Variants in SCARB1 observed in about 807,000 individuals in gnomAD.
The protein encoded by SCARB1 is scavenger receptor class B member 1.
In SCARB1, 30 loss-of-function variants were observed where a neutral mutation model predicts 57.2. That is an observed-to-expected ratio of 0.52 (90% confidence interval 0.39 to 0.71). The LOEUF is 0.71. Among genes scored for constraint, SCARB1 ranks in the 30% least tolerant of loss-of-function variants. The pLI is 0.00. For synonymous variants in SCARB1, 249 were observed against 268.3 expected (o/e 0.93, Z 0.70); for missense variants, 543 against 671.2 (o/e 0.81, Z 2.11).
rs1317201497 is a variant in SCARB1 at position 124,817,504 on chromosome 12, C to T, written c.284+46G>A. 4 of 1,603,294 alleles carry T rather than the reference C, an allele frequency of 2.5e-6. No individual in the cohort carries two copies. The highest frequency in any genetic ancestry group is 3.4e-6 in the Non-Finnish European group (4 of 1,175,268). ...CGTCCACTCTGAGACCCCTCCCCTG[C>T]CCAGCCTCAGCCGGCCCCTCCACCC... On this transcript the variant is annotated intron_variant, in intron 2 of 12. Coordinates refer to ENST00000261693, the MANE Select transcript of SCARB1 (RefSeq NM_005505.5). This position sits in a 1 kb window ranked among gnomAD's most constrained non-coding sequence, Gnocchi z 4.8.
rs928062069 is a variant in SCARB1 at position 124,789,502 on chromosome 12, G to T, written c.1203-2045C>A. 3.9e-5 allele frequency among the ~76,000 whole-genome samples: 6 copies of T among 152,146 alleles called. No individual in the cohort carries two copies. The highest frequency in any genetic ancestry group is 8.8e-5 in the Non-Finnish European group (6 of 68,026). On this transcript the variant is annotated intron_variant, in intron 9 of 12. Coordinates refer to ENST00000261693, the MANE Select transcript of SCARB1 (RefSeq NM_005505.5). This position sits in a 1 kb window ranked among gnomAD's most constrained non-coding sequence, Gnocchi z 4.4. ...CTGCATCAAGGCTCTCAGATGGGGA[G>T]AGCGTCCTGGAATATCTAGGTGGGT...
Position 124,789,184 on chromosome 12 carries a change from C to T in SCARB1, c.1203-1727G>A, listed in dbSNP as rs916066281. 2.6e-5 allele frequency among the ~76,000 whole-genome samples: 4 copies of T among 152,210 alleles called. No individual in the cohort carries two copies. Among genetic ancestry groups the T allele is most frequent in the African/African-American group, 7.2e-5 (3 of 41,444 alleles). On this transcript the variant is annotated intron_variant, in intron 9 of 12. Transcript: ENST00000261693. This position sits in a 1 kb window ranked among gnomAD's most constrained non-coding sequence, Gnocchi z 4.4. ...ATCAAGGTCGACATCAACAGTGATA[C>T]AGTATGTTGACGGAATGTACCCAAG...
rs1224428157 is a variant in SCARB1, at chr12:124,812,296, C to A, written c.631-331G>T. On this transcript the variant is annotated intron_variant, in intron 4 of 12. Coordinates refer to ENST00000261693, the MANE Select transcript of SCARB1 (RefSeq NM_005505.5). The surrounding 1 kb of genome is among the most constrained non-coding windows in gnomAD (Gnocchi z 4.3). The stretch of plus-strand genomic sequence containing the variant: ...AGCATGGCCAGGTCAGCTCCCTGAG[C>A]AATGAAAAAGGAGAAGTGGCATGTC... Among the ~76,000 whole-genome samples the A allele has an allele frequency of 6.6e-6, 1 of 152,152 alleles. No homozygotes were observed. Among genetic ancestry groups the A allele is most frequent in the Non-Finnish European group, 1.5e-5 (1 of 68,014 alleles).
chr12:124,825,436 C>T (rs1294103070), intron 1 of SCARB1, among the ~76,000 whole-genome samples: 3 of 152,042 alleles, frequency 2.0e-5, no homozygotes, highest in Middle Eastern at 3.4e-3. Context: ...TTTGGGAGGC[C>T]GAGGCGGGTG....
chr12:124,837,472 A>AAAGGAAGGAAGGAAGGAAGGAAGGAAGG (rs199725164), intron 1 of SCARB1, among the ~76,000 whole-genome samples: 7 of 72,494 alleles, frequency 9.7e-5, no homozygotes, highest in Admixed American at 4.0e-4. Context: ...AGAAAGAAAG[A>AAAGGAAGGAAGGAAGGAAGGAAGGAAGG]AAGGAAGGAA....
chr12:124,805,725 ATTTTTTTTTTT>A lies in SCARB1; in HGVS notation c.1009+2025_1009+2035del, dbSNP rs755476758. On this transcript the variant is annotated intron_variant, in intron 7 of 12. Transcript: ENST00000261693. ...AGGCATGCACCACCATGCCTAGCTA[ATTTTTTTTTTT>A]TTTTTTTTTTTTTGGCCAGAGAGAG... is the stretch of plus-strand genomic sequence containing the variant. Among the ~76,000 whole-genome samples the A allele has an allele frequency of 1.8e-3, 143 of 79,598 alleles. 2 individuals carry two copies. The East Asian group carries it at 0.038, about 21-fold the overall frequency. The allele number at this position is 79,598 out of a possible 152,430, so 52.2% of individuals were successfully genotyped here.
chr12:124,815,164 T>C, intron 2 of SCARB1, 50 bp from the exon 3 acceptor site: 1 of 1,603,494 alleles, frequency 6.2e-7, no homozygotes, highest in Non-Finnish European at 8.5e-7. Context: ...GCATGGGACG[T>C]TTCCCTTCTA....
At position 124,814,415 on chromosome 12, in the gene SCARB1, G is replaced by A. The variant is rs771648915; in HGVS notation, c.427-10C>T. The A allele has an allele frequency of 2.8e-5, 45 of 1,612,784 alleles. No homozygotes were observed. The highest frequency in any genetic ancestry group is 8.8e-5 in the South Asian group (8 of 91,002). ...TCATCACCGCCGCACCCTGCAAGGC[G>A]AAGGGACACTAGTGTCAGAGGCTGG... On this transcript the variant is annotated splice_polypyrimidine_tract_variant and intron_variant, in intron 3 of 12. Transcript: ENST00000261693. This position sits in a 1 kb window ranked among gnomAD's most constrained non-coding sequence, Gnocchi z 4.7.
rs1950611465 is a variant in SCARB1, at chr12:124,814,152, A to G, written c.630+50T>C. 7 of 1,543,950 alleles carry G rather than the reference A, an allele frequency of 4.5e-6. No homozygotes were observed. The highest frequency in any genetic ancestry group is 6.3e-6 in the Non-Finnish European group (7 of 1,116,720). On this transcript the variant is annotated intron_variant, in intron 4 of 12. Coordinates refer to ENST00000261693, the MANE Select transcript of SCARB1 (RefSeq NM_005505.5). This position sits in a 1 kb window ranked among gnomAD's most constrained non-coding sequence, Gnocchi z 4.7. ...ACCAGTGTCCAGGCTGTGTGAGGGG[A>G]AGACAGGACACAGGCCTGAATCTTT...
At chr12:124,842,126 C>T (rs1951932836) in intron 1 of SCARB1, among the ~76,000 whole-genome samples, 1 of 152,200 alleles carries the variant, frequency 6.6e-6, no homozygotes, top group African/African-American at 2.4e-5. Context: ...GGGTTTGTCC[C>T]ATCTGTAAAA....
rs1439512808 is a variant in SCARB1, at chr12:124,789,185, A to G, written c.1203-1728T>C. On this transcript the variant is annotated intron_variant, in intron 9 of 12. Coordinates refer to ENST00000261693, the MANE Select transcript of SCARB1 (RefSeq NM_005505.5). The surrounding 1 kb of genome is among the most constrained non-coding windows in gnomAD (Gnocchi z 4.4). ...TCAAGGTCGACATCAACAGTGATAC[A>G]GTATGTTGACGGAATGTACCCAAGA... 1.3e-5 allele frequency among the ~76,000 whole-genome samples: 2 copies of G among 152,214 alleles called. No individual in the cohort carries two copies. The highest frequency in any genetic ancestry group is 6.5e-5 in the Admixed American group (1 of 15,284).
chr12:124,786,923 G>C (rs1024875175), intron 10 of SCARB1, among the ~76,000 whole-genome samples: 9 of 152,216 alleles, frequency 5.9e-5, no homozygotes, highest in Non-Finnish European at 1.3e-4. Flanking sequence ...ACATTCGGAG[G>C]CTTGTTTGTC....
chr12:124,856,709 G>T (rs1024143297), intron 1 of SCARB1, among the ~76,000 whole-genome samples: 2 of 152,218 alleles, frequency 1.3e-5, no homozygotes, highest in African/African-American at 4.8e-5. Context: ...GGTCCTACAG[G>T]AAACGCCCGG....
chr12:124,805,821 C>T (rs780043660), intron 7 of SCARB1, among the ~76,000 whole-genome samples: 6 of 149,148 alleles, frequency 4.0e-5, no homozygotes, highest in African/African-American at 9.8e-5. Flanking sequence ...CCTCCCACCT[C>T]GGCCTCCTAC....
At chr12:124,831,931 A>G (rs1229311276) in intron 1 of SCARB1, among the ~76,000 whole-genome samples, 1 of 152,218 alleles carries the variant, frequency 6.6e-6, no homozygotes, top group African/African-American at 2.4e-5. Flanking sequence ...AACGCAATCC[A>G]GGTCATCCAA....
At chr12:124,824,872 C>A (rs978284347) in intron 1 of SCARB1, among the ~76,000 whole-genome samples, 1 of 152,232 alleles carries the variant, frequency 6.6e-6, no homozygotes, top group African/African-American at 2.4e-5. Flanking sequence ...ATGCAACTTA[C>A]GTTATGACTC....
rs563988090 is a variant in SCARB1 at position 124,839,698 on chromosome 12, C to A, written c.127-21991G>T. 35 of 689,022 alleles carry A rather than the reference C, an allele frequency of 5.1e-5. No homozygotes were observed. In the African/African-American group the frequency reaches 7.3e-4, roughly 14 times the overall value. 42.7% of individuals were successfully genotyped at this position (689,022 alleles called of 1,614,324 possible). ...TCCGCACCCTCACCCCAACGGCACA[C>A]ATGGGCCCCGATTTCTCCGCACCCT... On this transcript the variant is annotated intron_variant, in intron 1 of 12. Coordinates refer to ENST00000261693, the MANE Select transcript of SCARB1 (RefSeq NM_005505.5).
At chr12:124,861,560 C>T (rs568208148) in intron 1 of SCARB1, among the ~76,000 whole-genome samples, 1 of 152,344 alleles carries the variant, frequency 6.6e-6, no homozygotes, top group East Asian at 1.9e-4. Flanking sequence ...AGCGGGCAGT[C>T]CCTGCTTATG....
In SCARB1 at chr12:124,807,073, C is replaced by T. The variant is rs764811795; in HGVS notation, c.1009+688G>A. 2.0e-5 allele frequency among the ~76,000 whole-genome samples: 3 copies of T among 152,048 alleles called. No individual in the cohort carries two copies. Among genetic ancestry groups the T allele is most frequent in the Non-Finnish European group, 2.9e-5 (2 of 68,014 alleles). ...AAAATTAGCCAGGTGTGGTGGTGCA[C>T]GCCTGTGGTCCCAACTACTCGGGAG... is the stretch of plus-strand genomic sequence containing the variant. On this transcript the variant is annotated intron_variant, in intron 7 of 12. Transcript: ENST00000261693. This position sits in a 1 kb window ranked among gnomAD's most constrained non-coding sequence, Gnocchi z 5.3.
Sources: gnomAD v4.1 joint callset for allele counts (sites outside exome capture counted in the v4.1 genomes callset) on GRCh38, gnomAD v4.1.1 for gene constraint, Gnocchi (gnomAD v3.1) non-coding constraint, MANE v1.5 for transcripts, NCBI Gene and HGNC (gene_info 2026-07-23, HGNC 2026-07-21) for gene names.